The following SMARCC2 variants were observed in gnomAD, a reference collection of about 807,000 sequenced individuals.
SMARCC2 encodes the protein SWI/SNF complex subunit SMARCC2.
In SMARCC2, 15 loss-of-function variants were observed where a neutral mutation model predicts 151.3. That is an observed-to-expected ratio of 0.10 (90% confidence interval 0.07 to 0.15). The LOEUF (loss-of-function observed/expected upper bound fraction) is 0.15. Among genes scored for constraint, SMARCC2 ranks in the 10% least tolerant of loss-of-function variants. The probability of loss-of-function intolerance (pLI) is 1.00; values close to 1 mark genes in which losing one functional copy is unlikely to be tolerated. For synonymous variants in SMARCC2, 590 were observed against 609.5 expected, an observed-to-expected ratio of 0.97 and a Z score of 0.47; for missense variants, 1,031 against 1,599.7, an observed-to-expected ratio of 0.64 and a Z score of 6.06.
intron 15 of SMARCC2, among the ~76,000 whole-genome samples, chr12:56,177,174 G>T (rs1453654160): frequency 6.6e-6 from 1 of 151,786 alleles, no homozygotes; most frequent in Non-Finnish European, 1.5e-5. Flanking sequence ...GCGATCTCCT[G>T]ACCTTGTGAT....
rs764992786 is a variant in SMARCC2, at chr12:56,170,162, A to G, written c.2394T>C (p.Asp798=). 6.2e-6 allele frequency: 10 copies of G among 1,613,686 alleles called. No homozygotes were observed. The East Asian group carries it at 2.0e-4, about 32-fold the overall frequency. The part of the protein sequence containing the change: ...DEARVEGQAT[D]EKKEPKEPRE... Reference sequence around the variant, plus strand: ...TCTATACCTTGGGCTCCTTCTTCTCATCTGTGGCCTGGCCTTCCACCCGAG... The same window carrying G: ...TCTATACCTTGGGCTCCTTCTTCTCGTCTGTGGCCTGGCCTTCCACCCGAG... Residue 798 remains aspartate, a synonymous_variant, in exon 23 of 29, where the codon GAT becomes GAC. Transcript: ENST00000550164.
chr12:56,180,869 C>A, intron 11 of SMARCC2, 108 bp downstream of exon 11: 2 of 1,160,714 alleles, frequency 1.7e-6, no homozygotes, highest in Non-Finnish European at 2.5e-6. Flanking sequence ...AGGAAAAGAT[C>A]CTGTAGACTG....
chr12:56,178,393 GA>G lies in SMARCC2; in HGVS notation c.1310+10del. On this transcript the variant is annotated intron_variant, in intron 14 of 28. Transcript: ENST00000550164. ...AATAAGGACTCAGTGAGAAGTTGGG[GA>G]CAACCATACCTATTGTAGTCAAACC... 1 of 1,614,170 alleles carries G rather than the reference GA, an allele frequency of 6.2e-7. No homozygotes were observed.
intron 1 of SMARCC2, among the ~76,000 whole-genome samples, chr12:56,189,074 G>A (rs968104969): frequency 4.6e-5 from 7 of 151,776 alleles, no homozygotes; most frequent in African/African-American, 1.7e-4. Flanking sequence ...TGAGGGGAAG[G>A]TGGGCTAATG....
Position 56,174,769 on chromosome 12 carries a change from G to A in SMARCC2, c.1383-5C>T, listed in dbSNP as rs925521980. On this transcript the variant is annotated splice_polypyrimidine_tract_variant and splice_region_variant and intron_variant, in intron 15 of 28. Coordinates refer to ENST00000550164, the MANE Select transcript of SMARCC2 (RefSeq NM_001330288.2). ...AAGTTTCGATAGGCCAGGTAGCTTA[G>A]AAGAAAGAGAGAGAGAAACAAGAAG... is the stretch of plus-strand genomic sequence containing the variant. The A allele has an allele frequency of 2.6e-6, 4 of 1,556,686 alleles. No individual in the cohort carries two copies. Among genetic ancestry groups the A allele is most frequent in the Non-Finnish European group, 2.7e-6 (3 of 1,128,456 alleles).
Position 56,178,856 on chromosome 12 carries a change from G to C in SMARCC2, c.1142-9C>G. On this transcript the variant is annotated splice_polypyrimidine_tract_variant and intron_variant, in intron 12 of 28. Coordinates refer to ENST00000550164, the MANE Select transcript of SMARCC2 (RefSeq NM_001330288.2). ...TTCATCTTCCTGTTCATCTGAAAGA[G>C]AAAAACCAAGATGTAAGGCTGGAGC... is the stretch of plus-strand genomic sequence containing the variant. 1 of 1,614,054 alleles carries C rather than the reference G, an allele frequency of 6.2e-7. No individual in the cohort carries two copies. The highest frequency in any genetic ancestry group is 8.5e-7 in the Non-Finnish European group (1 of 1,179,922).
At chr12:56,164,066 T>C (rs573094037) in intron 28 of SMARCC2, among the ~76,000 whole-genome samples, 2 of 152,212 alleles carry the variant, frequency 1.3e-5, no homozygotes, top group South Asian at 2.1e-4. Context: ...TGCCACAGGA[T>C]TGCTCCATGA....
At chr12:56,170,753 G>C (rs1873796180) in intron 22 of SMARCC2, among the ~76,000 whole-genome samples, 2 of 119,206 alleles carry the variant, frequency 1.7e-5, no homozygotes, top group Non-Finnish European at 3.4e-5. Context: ...TTTTTTGAGA[G>C]ACGAAGTCTT....
Position 56,162,448 on chromosome 12 carries a change from G to C in SMARCC2, c.*1241C>G, listed in dbSNP as rs1020666586. On this transcript the variant is annotated 3_prime_UTR_variant, in exon 29 of 29. Coordinates refer to ENST00000550164, the MANE Select transcript of SMARCC2 (RefSeq NM_001330288.2). ...TACAGAAAACTTTGAACAGAAGAAA[G>C]GTGCTAAGACGCAGAGGGAGAGAAA... 46 of 615,064 alleles carry C rather than the reference G, an allele frequency of 7.5e-5. No individual in the cohort carries two copies. The highest frequency in any genetic ancestry group is 3.9e-4 in the Middle Eastern group (1 of 2,572). 38.1% of individuals were successfully genotyped at this position (615,064 alleles called of 1,614,324 possible). A position where few individuals can be genotyped will look rare whatever the true frequency, so the allele number is the denominator to read the frequency against.
At chr12:56,185,482 CT>C (rs922780076) in intron 3 of SMARCC2, 2,546 of 172,530 alleles carry the variant, frequency 0.015, no homozygotes, top group South Asian at 0.04. Flanking sequence ...CACACCCGGC[CT>C]TTTTTTTTTT....
chr12:56,177,792 A>G lies in SMARCC2; in HGVS notation c.1382+230T>C, dbSNP rs368920152. ...TGAGGCACTGGAGTAGGTACTTGTTATGTATAGAACATGCTTAATATCACC... is the reference window on the plus strand; with the variant it reads ...TGAGGCACTGGAGTAGGTACTTGTTGTGTATAGAACATGCTTAATATCACC... On this transcript the variant is annotated intron_variant, in intron 15 of 28. Coordinates refer to ENST00000550164, the MANE Select transcript of SMARCC2 (RefSeq NM_001330288.2). Among the ~76,000 whole-genome samples, 22 of 152,372 alleles carry G rather than the reference A, an allele frequency of 1.4e-4. No individual in the cohort carries two copies. The East Asian group carries it at 4.2e-3, about 29-fold the overall frequency.
chr12:56,184,535 T>C, intron 5 of SMARCC2: 1 of 539,902 alleles, frequency 1.9e-6, no homozygotes, highest in Non-Finnish European at 3.3e-6. Context: ...TATTCATTAC[T>C]ATAAAGTTCC....
intron 11 of SMARCC2, among the ~76,000 whole-genome samples, chr12:56,180,688 GCCACC>G (rs962274022): frequency 1.3e-5 from 2 of 152,204 alleles, no homozygotes; most frequent in Admixed American, 6.5e-5. Flanking sequence ...ACAGTCATAA[GCCACC>G]GTGCCTGGCC....
rs1295544272 is a variant in SMARCC2 at position 56,184,038 on chromosome 12, G to A, written c.563-108C>T. On this transcript the variant is annotated intron_variant, in intron 6 of 28. Coordinates refer to ENST00000550164, the MANE Select transcript of SMARCC2 (RefSeq NM_001330288.2). ...ACTCTCCTGTTGTAGCAGGGGACTT[G>A]GTAATAGGAACTTAAGGTGGTAAGA... 1.2e-5 allele frequency: 13 copies of A among 1,046,596 alleles called. No individual in the cohort carries two copies. In the Admixed American group the frequency reaches 2.2e-4, roughly 18 times the overall value. The allele number at this position is 1,046,596 out of a possible 1,614,324, so 64.8% of individuals were successfully genotyped here.
chr12:56,177,775 T>C (rs1875320038), intron 15 of SMARCC2, among the ~76,000 whole-genome samples: 1 of 152,264 alleles, frequency 6.6e-6, no homozygotes, highest in African/African-American at 2.4e-5. Flanking sequence ...GTTGAGGCAC[T>C]GGAGTAGGTA....
Position 56,185,025 on chromosome 12 carries a change from A to G in SMARCC2, c.399+5T>C, listed in dbSNP as rs1327920225. 3 of 1,609,722 alleles carry G rather than the reference A, an allele frequency of 1.9e-6. No individual in the cohort carries two copies. The highest frequency in any genetic ancestry group is 1.7e-5 in the Admixed American group (1 of 59,994). On this transcript the variant is annotated splice_donor_5th_base_variant and intron_variant, in intron 4 of 28. Transcript: ENST00000550164. ...AGGGAGATAAATAGGGTATATGCCTATTACCTGCACCAAGGACTTCTCAAT... is the reference window on the plus strand; with the variant it reads ...AGGGAGATAAATAGGGTATATGCCTGTTACCTGCACCAAGGACTTCTCAAT...
intron 2 of SMARCC2, 125 bp from the exon 3 acceptor site, chr12:56,186,365 T>TA: frequency 1.5e-6 from 1 of 672,810 alleles, no homozygotes; most frequent in Non-Finnish European, 2.6e-6. Context: ...TTTTTTTTTT[T>TA]TTGAGATGGA....
At chr12:56,185,929 A>G (rs1877155922) in intron 3 of SMARCC2, 2 of 532,010 alleles carry the variant, frequency 3.8e-6, no homozygotes, top group African/African-American at 3.9e-5. Context: ...TGCCAACCTA[A>G]GAATCCCTTT....
chr12:56,164,582 T>C lies in SMARCC2; in HGVS notation c.3382A>G (p.Ile1128Val). 1 of 1,613,814 alleles carries C rather than the reference T, an allele frequency of 6.2e-7. No homozygotes were observed. The highest frequency in any genetic ancestry group is 8.5e-7 in the Non-Finnish European group (1 of 1,179,912). The change falls in exon 28 of 29, where the codon ATC (isoleucine) becomes GTC (valine). Residue 1128 changes from isoleucine (I) to valine (V), a missense_variant. Coordinates refer to ENST00000550164, the MANE Select transcript of SMARCC2 (RefSeq NM_001330288.2). Reference sequence around the variant, plus strand: ...GAGTCAGCTAGACTACCAAATGGGATGATGGATGGAGCAGGAGGAGGAGGA... The same window carrying C: ...GAGTCAGCTAGACTACCAAATGGGACGATGGATGGAGCAGGAGGAGGAGGA... ...PPPPPPAPSI[I>V]PFGSLADSIS... is the part of the protein sequence containing the mutation.
Sources: gnomAD v4.1 joint callset for allele counts (sites outside exome capture counted in the v4.1 genomes callset) on GRCh38, gnomAD v4.1.1 for gene constraint, MANE v1.5 for transcripts, NCBI Gene and HGNC (gene_info 2026-07-23, HGNC 2026-07-21) for gene names.